Variants in NRG3 observed in about 807,000 individuals in gnomAD.
NRG3 encodes the protein neuregulin 3.
NRG3 carries 31 observed loss-of-function variants against 66.9 expected under a neutral mutation model. The ratio of observed to expected loss-of-function variants is 0.46; its 90% CI spans 0.35 to 0.63. NRG3 has a LOEUF of 0.63. Among genes scored for constraint, NRG3 ranks in the 20% least tolerant of loss-of-function variants. The pLI is 0.00. For synonymous variants in NRG3, 393 were observed against 359.4 expected, an observed-to-expected ratio of 1.09 and a Z score of -1.06; for missense variants, 910 against 878.9, an observed-to-expected ratio of 1.04 and a Z score of -0.45.
chr10:82,031,761 A>C (rs2062578761), intron 1 of NRG3, among the ~76,000 whole-genome samples: 1 of 152,094 alleles, frequency 6.6e-6, no homozygotes, highest in Non-Finnish European at 1.5e-5. Flanking sequence ...AGTCCTTATT[A>C]ATTTCTCATA....
intron 4 of NRG3, among the ~76,000 whole-genome samples, chr10:82,892,122 T>C (rs1050106114): frequency 5.9e-5 from 9 of 152,198 alleles, no homozygotes; most frequent in African/African-American, 1.2e-4. Context: ...GGATATATTA[T>C]ACCTTTTAAA....
At chr10:82,120,823 G>A (rs1269114865) in intron 1 of NRG3, among the ~76,000 whole-genome samples, 1 of 152,036 alleles carries the variant, frequency 6.6e-6, no homozygotes, top group Non-Finnish European at 1.5e-5. Context: ...CAGGGTCATG[G>A]ATATGCTTCC....
intron 1 of NRG3, among the ~76,000 whole-genome samples, chr10:82,265,473 T>C (rs2078250322): frequency 6.6e-6 from 1 of 152,186 alleles, no homozygotes; most frequent in Non-Finnish European, 1.5e-5. Flanking sequence ...AAGAAACAAC[T>C]AAAGTGACAG....
intron 2 of NRG3, among the ~76,000 whole-genome samples, chr10:82,730,684 TTC>T (rs1261602424): frequency 6.6e-6 from 1 of 152,234 alleles, no homozygotes. Context: ...TTAATTAGTG[TTC>T]TTTTTTAAAT....
At chr10:82,731,314 C>T (rs1382901873) in intron 2 of NRG3, among the ~76,000 whole-genome samples, 1 of 149,740 alleles carries the variant, frequency 6.7e-6, no homozygotes, top group African/African-American at 2.5e-5. Flanking sequence ...TTACAGTGAG[C>T]CGAGATCATG....
chr10:82,382,473 T>A (rs2085678339), intron 2 of NRG3, among the ~76,000 whole-genome samples: 1 of 152,020 alleles, frequency 6.6e-6, no homozygotes, highest in Admixed American at 6.5e-5. Flanking sequence ...CAAATTTTTG[T>A]ATTTTTATTT....
intron 1 of NRG3, among the ~76,000 whole-genome samples, chr10:82,334,579 A>G (rs2082296040): frequency 6.6e-6 from 1 of 152,220 alleles, no homozygotes; most frequent in African/African-American, 2.4e-5. Flanking sequence ...TAAAGAAAAT[A>G]GCACATTCAT....
chr10:82,188,480 T>C (rs1186149820), intron 1 of NRG3, among the ~76,000 whole-genome samples: 2 of 151,966 alleles, frequency 1.3e-5, no homozygotes, highest in African/African-American at 2.4e-5. Context: ...AGCTACTGCA[T>C]AGCAAAGGAT....
intron 1 of NRG3, among the ~76,000 whole-genome samples, chr10:82,019,503 G>A (rs925635481): frequency 6.6e-6 from 1 of 152,154 alleles, no homozygotes; most frequent in African/African-American, 2.4e-5. Flanking sequence ...AATAGTTTCA[G>A]AAGGAATGGT....
chr10:82,296,037 G>C (rs2080040309), intron 1 of NRG3, among the ~76,000 whole-genome samples: 1 of 152,150 alleles, frequency 6.6e-6, no homozygotes, highest in African/African-American at 2.4e-5. Flanking sequence ...TGATCATGGA[G>C]GTGAGACCAG....
chr10:82,834,974 T>A (rs968115591), intron 3 of NRG3, among the ~76,000 whole-genome samples: 8 of 152,178 alleles, frequency 5.3e-5, no homozygotes, highest in East Asian at 1.9e-4. Flanking sequence ...AGGAATTTTT[T>A]AAAAAATTTC....
intron 1 of NRG3, among the ~76,000 whole-genome samples, chr10:82,238,587 C>A (rs187688536): frequency 6.6e-6 from 1 of 152,128 alleles, no homozygotes; most frequent in East Asian, 1.9e-4. Flanking sequence ...TTTCTCTCCC[C>A]CTACCCTTTT....
chr10:82,224,446 T>G (rs1280162212), intron 1 of NRG3: 2 of 152,224 alleles, frequency 1.3e-5, no homozygotes, highest in African/African-American at 4.8e-5. Flanking sequence ...GTAGTATAGC[T>G]GTGTTCATGT....
intron 2 of NRG3, among the ~76,000 whole-genome samples, chr10:82,618,900 A>C (rs1056681643): frequency 2.0e-5 from 3 of 151,248 alleles, no homozygotes; most frequent in African/African-American, 7.3e-5. Context: ...ATTTTAACAT[A>C]TTTCTTTCTG....
At chr10:82,883,780 A>G (rs1463064105) in intron 4 of NRG3, among the ~76,000 whole-genome samples, 2 of 152,082 alleles carry the variant, frequency 1.3e-5, no homozygotes, top group Non-Finnish European at 2.9e-5. Context: ...CCTATGTCCC[A>G]TGGTATTTTG....
Position 82,741,867 on chromosome 10 carries a change from A to C in NRG3, c.1027+3217A>C, listed in dbSNP as rs556295380. Among the ~76,000 whole-genome samples the C allele has an allele frequency of 7.9e-5, 12 of 152,282 alleles. No individual in the cohort carries two copies. The East Asian group carries it at 2.3e-3, about 29-fold the overall frequency. ...GACTGAAACTCAATGACCTGCGGCA[A>C]ACATTATTCTAAGGAACAATATTTG... On this transcript the variant is annotated intron_variant, in intron 3 of 8. Coordinates refer to ENST00000372141, the MANE Select transcript of NRG3 (RefSeq NM_001010848.4).
intron 3 of NRG3, among the ~76,000 whole-genome samples, chr10:82,742,380 T>A (rs1197264605): frequency 6.6e-6 from 1 of 152,078 alleles, no homozygotes; most frequent in East Asian, 1.9e-4. Flanking sequence ...CAAAAACTCA[T>A]CCCCTCTGCT....
At chr10:82,225,158 T>C (rs893541259) in intron 1 of NRG3, among the ~76,000 whole-genome samples, 4 of 152,118 alleles carry the variant, frequency 2.6e-5, no homozygotes, top group Non-Finnish European at 5.9e-5. Flanking sequence ...GTAAAAATGA[T>C]ACATTAAATG....
rs552869413 is a variant in NRG3, at chr10:82,662,053, C to T, written c.954-76524C>T. Among the ~76,000 whole-genome samples, 5 of 152,276 alleles carry T rather than the reference C, an allele frequency of 3.3e-5. No individual in the cohort carries two copies. In the South Asian group the frequency reaches 1.0e-3, roughly 32 times the overall value. On this transcript the variant is annotated intron_variant, in intron 2 of 8. Transcript: ENST00000372141. ...TTATAACAAGCCAGGAAAGAGAGCCCAAAGCCAAATGCCCCTGCCATTGTT... is the reference window on the plus strand; with the variant it reads ...TTATAACAAGCCAGGAAAGAGAGCCTAAAGCCAAATGCCCCTGCCATTGTT...
Sources: gnomAD v4.1 joint callset for allele counts (sites outside exome capture counted in the v4.1 genomes callset) on GRCh38, gnomAD v4.1.1 for gene constraint, MANE v1.5 for transcripts, NCBI Gene and HGNC (gene_info 2026-07-23, HGNC 2026-07-21) for gene names.